NDST4: variants seen among roughly 807,000 people sequenced by gnomAD.
NDST4 encodes N-heparan sulfate sulfotransferase 4.
A neutral mutation model predicts 100.8 loss-of-function variants in NDST4; 63 were observed. That is an observed-to-expected ratio of 0.62 (90% CI 0.51 to 0.77). The LOEUF is 0.77. Among genes scored for constraint, NDST4 ranks in the 30% least tolerant of loss-of-function variants. NDST4 has a pLI of 0.00. For missense variants in NDST4, 943 were observed against 1,018.4 expected, an observed-to-expected ratio of 0.93 and a Z score of 1.01; for synonymous variants, 377 against 361.8, an observed-to-expected ratio of 1.04 and a Z score of -0.48.
chr4:114,839,618 G>A, intron 10 of NDST4, 70 bp from the exon 11 acceptor site: 1 of 1,386,926 alleles, frequency 7.2e-7, no homozygotes, highest in Non-Finnish European at 1.0e-6. Context: ...TATGTGTATG[G>A]GTGAGCACAT....
chr4:114,897,013 T>C (rs116603253), intron 6 of NDST4, among the ~76,000 whole-genome samples: 3,470 of 152,240 alleles, frequency 0.023, 67 homozygotes, highest in Non-Finnish European at 0.036. Flanking sequence ...GCATAGACTA[T>C]CCCATTATCA....
At chr4:114,958,622 G>A (rs1476136078) in intron 4 of NDST4, among the ~76,000 whole-genome samples, 1 of 152,116 alleles carries the variant, frequency 6.6e-6, no homozygotes, top group African/African-American at 2.4e-5. Flanking sequence ...AAGCAGCAAG[G>A]CCCTGGTTCC....
intron 2 of NDST4, among the ~76,000 whole-genome samples, chr4:115,023,080 C>T (rs1368221570): frequency 1.3e-5 from 2 of 152,054 alleles, no homozygotes; most frequent in African/African-American, 4.8e-5. Context: ...ACTTTGGGGA[C>T]TCAGGAGAAA....
intron 2 of NDST4, among the ~76,000 whole-genome samples, chr4:115,012,044 T>G (rs933024133): frequency 1.3e-5 from 2 of 151,760 alleles, no homozygotes; most frequent in Non-Finnish European, 2.9e-5. Flanking sequence ...TAAGAGAGGA[T>G]TCAAAGCCTA....
At chr4:115,046,104 G>A (rs1481485684) in intron 2 of NDST4, among the ~76,000 whole-genome samples, 2 of 152,124 alleles carry the variant, frequency 1.3e-5, no homozygotes, top group East Asian at 3.9e-4. Flanking sequence ...AGATATACCT[G>A]CGACTCTCAG....
At chr4:114,945,036 C>G (rs572606500) in intron 4 of NDST4, among the ~76,000 whole-genome samples, 91 of 151,784 alleles carry the variant, frequency 6.0e-4, no homozygotes, top group African/African-American at 2.1e-3. Flanking sequence ...ATGGAGAAAC[C>G]CTGTCTCTAC....
At position 114,949,069 on chromosome 4, in the gene NDST4, T is replaced by C. The variant is rs77524851; in HGVS notation, c.1222-11566A>G. Among the ~76,000 whole-genome samples the C allele has an allele frequency of 4.6e-3, 705 of 152,168 alleles. 3 individuals carry two copies. The highest frequency in any genetic ancestry group is 7.4e-3 in the Non-Finnish European group (503 of 67,948). ...TTGGCTTTTAATTATTTCACAGTCA[T>C]TTAATAATTAGAAACAAGGGTGATC... On this transcript the variant is annotated intron_variant, in intron 4 of 13. Transcript: ENST00000264363.
intron 6 of NDST4, among the ~76,000 whole-genome samples, chr4:114,919,034 G>A (rs992193055): frequency 3.9e-5 from 6 of 152,044 alleles, no homozygotes; most frequent in Non-Finnish European, 7.4e-5. Context: ...AAAGTTATCT[G>A]TGTATGCCAA....
intron 2 of NDST4, among the ~76,000 whole-genome samples, chr4:115,066,097 G>A (rs1226277498): frequency 6.6e-6 from 1 of 152,206 alleles, no homozygotes; most frequent in African/African-American, 2.4e-5. Context: ...GATATATATT[G>A]CATTCTGCCT....
In NDST4 at chr4:114,883,559, A is replaced by C. The variant is rs141705351; in HGVS notation, c.1537-12609T>G. On this transcript the variant is annotated intron_variant, in intron 6 of 13. Coordinates refer to ENST00000264363, the MANE Select transcript of NDST4 (RefSeq NM_022569.3). Reference sequence around the variant, plus strand: ...AGAGCAGAGAGCAAATGCAAAAAGTAGAAAACAGTTACAACTGGTATAAAT... The same window carrying C: ...AGAGCAGAGAGCAAATGCAAAAAGTCGAAAACAGTTACAACTGGTATAAAT... Among the ~76,000 whole-genome samples the C allele has an allele frequency of 4.6e-5, 7 of 152,254 alleles. No homozygotes were observed. The East Asian group carries it at 1.4e-3, about 29-fold the overall frequency.
chr4:114,926,223 T>C (rs896509504), intron 6 of NDST4, among the ~76,000 whole-genome samples: 1 of 151,748 alleles, frequency 6.6e-6, no homozygotes, highest in African/African-American at 2.4e-5. Flanking sequence ...TAAGAGGGAG[T>C]TATCTGAATG....
chr4:115,079,866 T>C (rs1412754833), intron 1 of NDST4, among the ~76,000 whole-genome samples: 2 of 152,186 alleles, frequency 1.3e-5, no homozygotes, highest in Non-Finnish European at 2.9e-5. Context: ...TCATTAGTAA[T>C]TTAAGTTTTA....
At chr4:114,890,729 G>T (rs556940616) in intron 6 of NDST4, among the ~76,000 whole-genome samples, 1 of 151,926 alleles carries the variant, frequency 6.6e-6, no homozygotes, top group Admixed American at 6.6e-5. Context: ...GTGTTCGAGT[G>T]GTACTCTCAT....
intron 1 of NDST4, among the ~76,000 whole-genome samples, chr4:115,088,316 G>T (rs1197543005): frequency 1.1e-5 from 1 of 94,924 alleles, no homozygotes. Flanking sequence ...CTCTTCTAAA[G>T]TTAATTTTTT....
At chr4:115,102,229 A>C (rs897298477) in intron 1 of NDST4, among the ~76,000 whole-genome samples, 1 of 152,180 alleles carries the variant, frequency 6.6e-6, no homozygotes, top group Non-Finnish European at 1.5e-5. Flanking sequence ...TCATGGAAGC[A>C]GTTATCCATG....
chr4:115,014,070 G>A (rs1727621004), intron 2 of NDST4, among the ~76,000 whole-genome samples: 2 of 152,064 alleles, frequency 1.3e-5, no homozygotes, highest in Non-Finnish European at 2.9e-5. Context: ...TTTATTGCTT[G>A]AGAAACAGCA....
chr4:114,920,314 A>G (rs907812328), intron 6 of NDST4, among the ~76,000 whole-genome samples: 1 of 152,126 alleles, frequency 6.6e-6, no homozygotes. Flanking sequence ...AGCTCTGTCT[A>G]TATAGATTTG....
chr4:115,028,938 A>G (rs1468833081), intron 2 of NDST4, among the ~76,000 whole-genome samples: 2 of 152,148 alleles, frequency 1.3e-5, no homozygotes, highest in Non-Finnish European at 2.9e-5. Flanking sequence ...AGGATAATAC[A>G]GTAGCTAAGA....
chr4:114,870,476 TA>T (rs1161129248), intron 7 of NDST4, among the ~76,000 whole-genome samples: 2 of 152,084 alleles, frequency 1.3e-5, no homozygotes, highest in South Asian at 2.1e-4. Flanking sequence ...GCATGCAAGT[TA>T]AAATGATTAG....
Sources: allele counts gnomAD v4.1 joint callset (sites outside exome capture counted in the v4.1 genomes callset), GRCh38; gene constraint gnomAD v4.1.1; transcripts MANE v1.5; gene names NCBI Gene and HGNC (gene_info 2026-07-23, HGNC 2026-07-21).